The following ULK4 variants were observed in gnomAD, a reference collection of about 807,000 sequenced individuals.
ULK4 encodes unc-51 like kinase 4.
Under a neutral mutation model 160.6 loss-of-function variants are expected in ULK4, and 133 were observed. That is an observed-to-expected ratio of 0.83 (90% confidence interval 0.72 to 0.96). ULK4 has a LOEUF of 0.96. ULK4 is among the 40% of genes least tolerant of loss of function. The pLI, the probability that ULK4 is intolerant of heterozygous loss-of-function variation, is 0.00. For synonymous variants in ULK4, 534 were observed against 539.8 expected (o/e 0.99, Z 0.15); for missense variants, 1,580 against 1,499.5 (o/e 1.05, Z -0.89).
chr3:41,290,023 G>A (rs980777302), intron 35 of ULK4, among the ~76,000 whole-genome samples: 9 of 152,008 alleles, frequency 5.9e-5, no homozygotes, highest in East Asian at 1.9e-4. Context: ...TTGCAGGCAC[G>A]TGCCACCACA....
At chr3:41,582,075 C>T (rs1040345978) in intron 31 of ULK4, among the ~76,000 whole-genome samples, 1 of 152,146 alleles carries the variant, frequency 6.6e-6, no homozygotes, top group African/African-American at 2.4e-5. Context: ...ATAATTCCCA[C>T]GTGTTTTGGG....
At chr3:41,846,181 T>C (rs1286430536) in intron 17 of ULK4, among the ~76,000 whole-genome samples, 5 of 152,218 alleles carry the variant, frequency 3.3e-5, no homozygotes, top group Non-Finnish European at 7.3e-5. Flanking sequence ...CATTAAAAAG[T>C]ACTCAACAGA....
intron 23 of ULK4, 127 bp downstream of exon 23, chr3:41,717,601 C>T (rs1004021206): frequency 1.5e-5 from 17 of 1,169,586 alleles, no homozygotes; most frequent in Admixed American, 5.1e-5. Context: ...ACTACATATT[C>T]GTTAAAAAGT....
intron 32 of ULK4, among the ~76,000 whole-genome samples, chr3:41,520,617 G>A (rs1042406675): frequency 4.6e-5 from 7 of 152,034 alleles, no homozygotes; most frequent in South Asian, 2.1e-4. Flanking sequence ...CTTATTTAAC[G>A]TTCTGAGGAA....
intron 27 of ULK4, among the ~76,000 whole-genome samples, chr3:41,696,590 C>T (rs1254391266): frequency 6.6e-6 from 1 of 152,162 alleles, no homozygotes; most frequent in Non-Finnish European, 1.5e-5. Context: ...TGTCTTTTAT[C>T]TCTTTGTCTT....
At chr3:41,734,270 T>A (rs1242185868) in intron 22 of ULK4, among the ~76,000 whole-genome samples, 1 of 152,042 alleles carries the variant, frequency 6.6e-6, no homozygotes, top group Non-Finnish European at 1.5e-5. Flanking sequence ...AAGAAAAAAA[T>A]ATGGGTTACT....
At position 41,388,587 on chromosome 3, in the gene ULK4, A is replaced by C. The variant is rs535851930; in HGVS notation, c.3678+9492T>G. 4.8e-4 allele frequency among the ~76,000 whole-genome samples: 73 copies of C among 152,234 alleles called. 2 individuals carry two copies. The highest frequency in any genetic ancestry group is 1.7e-3 in the African/African-American group (70 of 41,506). ...GGAAGGGATCAAGTTTCAGCTTTCT[A>C]CATATGGCTAGCCAGTTTTCCCAGC... On this transcript the variant is annotated intron_variant, in intron 35 of 36. Transcript: ENST00000301831.
intron 29 of ULK4, among the ~76,000 whole-genome samples, chr3:41,678,464 G>A (rs886239534): frequency 6.6e-6 from 1 of 152,108 alleles, no homozygotes; most frequent in Non-Finnish European, 1.5e-5. Context: ...ACTACCAAGT[G>A]GATGAGAATA....
intron 32 of ULK4, among the ~76,000 whole-genome samples, chr3:41,541,427 G>A (rs2086691211): frequency 6.6e-6 from 1 of 152,110 alleles, no homozygotes; most frequent in Non-Finnish European, 1.5e-5. Context: ...TTTTGTTACT[G>A]TAGCCTTGTA....
chr3:41,954,024 A>C (rs1700394789), intron 2 of ULK4, among the ~76,000 whole-genome samples: 2 of 152,074 alleles, frequency 1.3e-5, no homozygotes, highest in South Asian at 4.1e-4. Context: ...TTTACTAAAA[A>C]TACAAAAATT....
chr3:41,464,337 A>G (rs1254145299), intron 32 of ULK4, among the ~76,000 whole-genome samples: 2 of 152,194 alleles, frequency 1.3e-5, no homozygotes, highest in Non-Finnish European at 2.9e-5. Context: ...AGACGCATCA[A>G]AGTTATACCT....
intron 34 of ULK4, among the ~76,000 whole-genome samples, chr3:41,437,426 T>A (rs1287480978): frequency 6.6e-6 from 1 of 152,232 alleles, no homozygotes; most frequent in Non-Finnish European, 1.5e-5. Flanking sequence ...AAAATCACTA[T>A]GTAGATATTT....
At chr3:41,269,819 G>C (rs1280340491) in intron 35 of ULK4, among the ~76,000 whole-genome samples, 2 of 152,062 alleles carry the variant, frequency 1.3e-5, no homozygotes, top group African/African-American at 4.8e-5. Flanking sequence ...GTACAATAAA[G>C]TACTTGCACA....
intron 31 of ULK4, among the ~76,000 whole-genome samples, chr3:41,601,035 T>C (rs1182982405): frequency 1.3e-5 from 2 of 152,206 alleles, no homozygotes; most frequent in Admixed American, 6.5e-5. Flanking sequence ...ACGAATAAGA[T>C]GTTTTATAAA....
intron 35 of ULK4, among the ~76,000 whole-genome samples, chr3:41,300,919 C>A (rs1230443266): frequency 2.4e-5 from 3 of 127,312 alleles, no homozygotes; most frequent in South Asian, 5.2e-4. Context: ...TGGCCAAGAC[C>A]TGAAGTCACA....
chr3:41,517,318 A>G (rs1034692696), intron 32 of ULK4, among the ~76,000 whole-genome samples: 1 of 152,170 alleles, frequency 6.6e-6, no homozygotes, highest in Non-Finnish European at 1.5e-5. Context: ...ACCCAATATA[A>G]TAGTATTAAA....
In ULK4 at chr3:41,630,206, T is replaced by G. The variant is rs544720174; in HGVS notation, c.3072-14489A>C. 1.2e-4 allele frequency among the ~76,000 whole-genome samples: 18 copies of G among 152,334 alleles called. No homozygotes were observed. The East Asian group carries it at 2.7e-3, about 23-fold the overall frequency. On this transcript the variant is annotated intron_variant, in intron 30 of 36. Coordinates refer to ENST00000301831, the MANE Select transcript of ULK4 (RefSeq NM_017886.4). The stretch of plus-strand genomic sequence containing the variant: ...CAGAAGTCCATCTCAGCATGGCTGG[T>G]TAACCATATCAGGATACCACAAAGC...
chr3:41,854,057 T>G (rs545763903), intron 17 of ULK4: 1 of 152,366 alleles, frequency 6.6e-6, no homozygotes, highest in South Asian at 2.1e-4. Context: ...GAGGCCACAC[T>G]TCCCAGCCTG....
At chr3:41,739,680 A>G (rs2038177688) in intron 22 of ULK4, among the ~76,000 whole-genome samples, 1 of 151,936 alleles carries the variant, frequency 6.6e-6, no homozygotes, top group Non-Finnish European at 1.5e-5. Flanking sequence ...TCCACTTCAG[A>G]GGAGGCTTTC....
Sources: allele counts gnomAD v4.1 joint callset (sites outside exome capture counted in the v4.1 genomes callset), GRCh38; gene constraint gnomAD v4.1.1; transcripts MANE v1.5; gene names NCBI Gene and HGNC (gene_info 2026-07-23, HGNC 2026-07-21).